FSTL5: variants seen among roughly 807,000 people sequenced by gnomAD.
FSTL5 encodes follistatin-related protein 5.
FSTL5 carries 62 observed loss-of-function variants against 89.1 expected under a neutral mutation model. The ratio of observed to expected loss-of-function variants is 0.70; its 90% CI spans 0.57 to 0.86. The LOEUF (loss-of-function observed/expected upper bound fraction) is 0.86. Ranked by LOEUF, FSTL5 falls within the 40% of genes least tolerant of loss-of-function variation. The probability of loss-of-function intolerance (pLI) is 0.00; values close to 1 mark genes in which losing one functional copy is unlikely to be tolerated. For missense variants in FSTL5, 1,057 were observed against 1,001.6 expected, an observed-to-expected ratio of 1.06 and a Z score of -0.75; for synonymous variants, 383 against 346.2, an observed-to-expected ratio of 1.11 and a Z score of -1.18.
At chr4:162,000,264 C>T (rs1029519425) in intron 3 of FSTL5, among the ~76,000 whole-genome samples, 1 of 152,092 alleles carries the variant, frequency 6.6e-6, no homozygotes, top group African/African-American at 2.4e-5. Context: ...AAATGCTAGA[C>T]TTCCTACATA....
intron 2 of FSTL5, among the ~76,000 whole-genome samples, chr4:162,063,266 T>C (rs1738780736): frequency 6.6e-6 from 1 of 151,860 alleles, no homozygotes; most frequent in Non-Finnish European, 1.5e-5. Context: ...TTCCATCTGT[T>C]TTTGTTCAAA....
chr4:161,514,787 G>T (rs1324166176), intron 10 of FSTL5, among the ~76,000 whole-genome samples: 2 of 151,986 alleles, frequency 1.3e-5, no homozygotes, highest in Non-Finnish European at 2.9e-5. Flanking sequence ...AGTCCCAAAA[G>T]ATTAAAGTAA....
At chr4:161,916,581 G>A (rs1440608) in intron 4 of FSTL5, among the ~76,000 whole-genome samples, 123,579 of 151,724 alleles carry the variant, frequency 0.81, 51,242 homozygotes, top group Non-Finnish European at 0.89. Flanking sequence ...ATAAACAAAT[G>A]CTACAATATT....
At chr4:161,481,265 C>G (rs1729495312) in intron 12 of FSTL5, 96 bp from the exon 13 acceptor site, 1 of 811,788 alleles carries the variant, frequency 1.2e-6, no homozygotes, top group Non-Finnish European at 1.9e-6. Flanking sequence ...TACTTTACTA[C>G]TTTCAGCATC....
chr4:161,745,081 A>G (rs1304819802), intron 6 of FSTL5, among the ~76,000 whole-genome samples: 1 of 152,036 alleles, frequency 6.6e-6, no homozygotes, highest in Non-Finnish European at 1.5e-5. Flanking sequence ...AAAAAAATAA[A>G]ACAACAACAA....
intron 7 of FSTL5, among the ~76,000 whole-genome samples, chr4:161,637,993 C>A (rs1735787075): frequency 6.6e-6 from 1 of 151,946 alleles, no homozygotes; most frequent in Non-Finnish European, 1.5e-5. Flanking sequence ...TTTTCCAATT[C>A]TGTGAAGAAA....
rs183199757 is a variant in FSTL5 at position 161,948,278 on chromosome 4, G to T, written c.161-27626C>A. On this transcript the variant is annotated intron_variant, in intron 3 of 15. Coordinates refer to ENST00000306100, the MANE Select transcript of FSTL5 (RefSeq NM_020116.5). ...AGCATGAGCAACAGAGCAAGATCCTGTACCTAAAGAAATGAAAAAAAAAAA... is the reference window on the plus strand; with the variant it reads ...AGCATGAGCAACAGAGCAAGATCCTTTACCTAAAGAAATGAAAAAAAAAAA... Among the ~76,000 whole-genome samples the T allele has an allele frequency of 5.1e-3, 666 of 130,028 alleles. 4 individuals carry two copies. Among genetic ancestry groups the T allele is most frequent in the Admixed American group, 7.8e-3 (91 of 11,674 alleles). The allele number at this position is 130,028 out of a possible 152,430, so 85.3% of individuals were successfully genotyped here.
chr4:161,751,610 A>G (rs7658018), intron 6 of FSTL5, among the ~76,000 whole-genome samples: 1 of 151,882 alleles, frequency 6.6e-6, no homozygotes, highest in Non-Finnish European at 1.5e-5. Flanking sequence ...TCCCATCTCT[A>G]CTAAAAAAAT....
intron 11 of FSTL5, among the ~76,000 whole-genome samples, chr4:161,500,824 C>G (rs564932674): frequency 6.6e-6 from 1 of 152,090 alleles, no homozygotes; most frequent in Non-Finnish European, 1.5e-5. Flanking sequence ...CATCTCCCCC[C>G]ACTTTCTAAA....
intron 3 of FSTL5, among the ~76,000 whole-genome samples, chr4:162,026,657 CAAG>C (rs1481219208): frequency 6.6e-6 from 1 of 151,970 alleles, no homozygotes. Flanking sequence ...AGTCTAGAAT[CAAG>C]AAATCTTGTT....
At chr4:162,061,430 C>T (rs1382762347) in intron 2 of FSTL5, among the ~76,000 whole-genome samples, 2 of 152,158 alleles carry the variant, frequency 1.3e-5, no homozygotes, top group Non-Finnish European at 2.9e-5. Context: ...ATGCCTCAGA[C>T]ACCCAGAGTG....
At chr4:161,975,660 GAGTT>G (rs1735615302) in intron 3 of FSTL5, among the ~76,000 whole-genome samples, 1 of 151,506 alleles carries the variant, frequency 6.6e-6, no homozygotes, top group African/African-American at 2.4e-5. Context: ...GCTAGATGAG[GAGTT>G]AGTGGGTGCA....
At chr4:162,072,683 A>G (rs1729677792) in intron 2 of FSTL5, among the ~76,000 whole-genome samples, 1 of 151,878 alleles carries the variant, frequency 6.6e-6, no homozygotes, top group South Asian at 2.1e-4. Flanking sequence ...TAGCATTTTA[A>G]AATTTAAAAT....
chr4:161,951,419 T>C (rs139915569), intron 3 of FSTL5, among the ~76,000 whole-genome samples: 194 of 152,296 alleles, frequency 1.3e-3, no homozygotes, highest in African/African-American at 4.4e-3. Flanking sequence ...AAAAAATGTT[T>C]GTCTCTTTGA....
intron 15 of FSTL5, among the ~76,000 whole-genome samples, chr4:161,411,676 G>A (rs187380545): frequency 1.3e-5 from 2 of 152,204 alleles, no homozygotes; most frequent in African/African-American, 4.8e-5. Flanking sequence ...AGGCATCAAA[G>A]GAACATACCT....
chr4:161,672,107 T>C (rs563919864), intron 6 of FSTL5, among the ~76,000 whole-genome samples: 2 of 152,280 alleles, frequency 1.3e-5, no homozygotes, highest in South Asian at 4.1e-4. Flanking sequence ...GAAGGAAACC[T>C]ACCAAGTAAT....
At chr4:161,761,388 C>T (rs977465661) in intron 5 of FSTL5, among the ~76,000 whole-genome samples, 4 of 152,212 alleles carry the variant, frequency 2.6e-5, no homozygotes, top group South Asian at 2.1e-4. Context: ...GGGCAGTGTG[C>T]GCGATTCTAC....
intron 4 of FSTL5, among the ~76,000 whole-genome samples, chr4:161,817,957 A>AC (rs1331224966): frequency 2.6e-5 from 4 of 152,094 alleles, no homozygotes; most frequent in African/African-American, 9.7e-5. Flanking sequence ...CTCGGGGTCC[A>AC]CCCCCACGGA....
intron 12 of FSTL5, among the ~76,000 whole-genome samples, chr4:161,484,693 T>C (rs2126459299): frequency 6.6e-6 from 1 of 152,316 alleles, no homozygotes; most frequent in South Asian, 2.1e-4. Context: ...AATTTCTAAT[T>C]ATTATCCTTT....
Sources: allele counts gnomAD v4.1 joint callset (sites outside exome capture counted in the v4.1 genomes callset), GRCh38; gene constraint gnomAD v4.1.1; transcripts MANE v1.5; gene names NCBI Gene and HGNC (gene_info 2026-07-23, HGNC 2026-07-21).